Variants in ERP44 observed in about 807,000 individuals in gnomAD.
ERP44 encodes endoplasmic reticulum protein 44, also known as endoplasmic reticulum resident protein 44.
In ERP44, 25 loss-of-function variants were observed where a neutral mutation model predicts 53.4. The observed-to-expected ratio is 0.47, with a 90% confidence interval of 0.34 to 0.65. ERP44 has a LOEUF of 0.65. ERP44 is among the 30% of genes least tolerant of loss of function. The pLI, the probability that ERP44 is intolerant of heterozygous loss-of-function variation, is 0.01. For synonymous variants in ERP44, 145 were observed against 161.2 expected (o/e 0.90, Z 0.76); for missense variants, 338 against 493.2 (o/e 0.69, Z 2.98).
intron 4 of ERP44, among the ~76,000 whole-genome samples, chr9:100,042,875 G>A (rs1275514618): frequency 6.6e-6 from 1 of 152,122 alleles, no homozygotes; most frequent in South Asian, 2.1e-4. Flanking sequence ...TGAACTCATG[G>A]AGATAGAGCA....
chr9:99,991,844 G>A (rs1000257849), intron 10 of ERP44, among the ~76,000 whole-genome samples: 6 of 152,078 alleles, frequency 3.9e-5, no homozygotes, highest in Non-Finnish European at 7.4e-5. Context: ...TATCACCACC[G>A]ATCCCACAGA....
intron 4 of ERP44, among the ~76,000 whole-genome samples, chr9:100,023,339 A>G (rs1032315779): frequency 2.6e-5 from 4 of 151,746 alleles, no homozygotes; most frequent in Non-Finnish European, 5.9e-5. Flanking sequence ...CCTGTAATAA[A>G]GCACAAGCCA....
At chr9:100,042,765 A>G (rs1825919836) in intron 4 of ERP44, among the ~76,000 whole-genome samples, 1 of 152,196 alleles carries the variant, frequency 6.6e-6, no homozygotes. Flanking sequence ...TTGCAACAAC[A>G]TGGATGGAAC....
chr9:100,075,722 T>C (rs899007331), intron 1 of ERP44, among the ~76,000 whole-genome samples: 1 of 152,236 alleles, frequency 6.6e-6, no homozygotes, highest in Non-Finnish European at 1.5e-5. Flanking sequence ...TTGCTGCATT[T>C]GGCCCCTCCT....
chr9:100,057,156 C>A (rs1416810462), intron 3 of ERP44, among the ~76,000 whole-genome samples: 4 of 152,146 alleles, frequency 2.6e-5, no homozygotes, highest in Admixed American at 2.6e-4. Flanking sequence ...TACAGAGTGT[C>A]TAGGGATAAA....
intron 4 of ERP44, among the ~76,000 whole-genome samples, chr9:100,048,356 CA>C (rs1281342950): frequency 6.6e-6 from 1 of 151,850 alleles, no homozygotes; most frequent in Non-Finnish European, 1.5e-5. Flanking sequence ...AAAACAACAA[CA>C]AAGAGAAAAT....
chr9:100,027,082 C>G (rs1450428847), intron 4 of ERP44, among the ~76,000 whole-genome samples: 1 of 152,120 alleles, frequency 6.6e-6, no homozygotes, highest in East Asian at 1.9e-4. Context: ...AAGCACTAAG[C>G]TGATGGAGTT....
chr9:100,010,389 G>A (rs529247375), intron 8 of ERP44, among the ~76,000 whole-genome samples: 4 of 152,260 alleles, frequency 2.6e-5, no homozygotes, highest in African/African-American at 9.6e-5. Flanking sequence ...CAACAACCAC[G>A]GGGAAGGGAG....
At chr9:100,040,652 G>A (rs148922180) in intron 4 of ERP44, among the ~76,000 whole-genome samples, 93 of 152,228 alleles carry the variant, frequency 6.1e-4, no homozygotes, top group South Asian at 4.2e-4. Context: ...ACTGGAAGTC[G>A]TAGCTAGAGC....
At chr9:100,091,155 T>A (rs142643879) in intron 1 of ERP44, among the ~76,000 whole-genome samples, 38 of 152,334 alleles carry the variant, frequency 2.5e-4, no homozygotes, top group South Asian at 2.5e-3. Flanking sequence ...CAAATTCAGG[T>A]GACTTAAAAT....
Position 99,979,809 on chromosome 9 carries a change from A to G in ERP44, c.*2803T>C. 3.1e-6 allele frequency: 1 copy of G among 324,476 alleles called. No individual in the cohort carries two copies. Among genetic ancestry groups the G allele is most frequent in the Non-Finnish European group, 5.7e-6 (1 of 174,412 alleles). 20.1% of individuals were successfully genotyped at this position (324,476 alleles called of 1,614,324 possible). A position where few individuals can be genotyped will look rare whatever the true frequency, so the allele number is the denominator to read the frequency against. On this transcript the variant is annotated 3_prime_UTR_variant, in exon 12 of 12. Coordinates refer to ENST00000262455, the MANE Select transcript of ERP44 (RefSeq NM_015051.3). ...GTCTGATTCACGGTTCAGAGGGGGA[A>G]CAAGTCTAAATTTGAGACGTGCTTC...
intron 10 of ERP44, among the ~76,000 whole-genome samples, chr9:99,992,111 C>T (rs1830262791): frequency 6.6e-6 from 1 of 152,172 alleles, no homozygotes. Flanking sequence ...GGTACCATTC[C>T]TTCTGAAACT....
intron 10 of ERP44, chr9:99,999,015 C>T (rs1830346359): frequency 8.1e-6 from 8 of 987,058 alleles, no homozygotes; most frequent in South Asian, 8.0e-5. Flanking sequence ...CGTGCGTGGG[C>T]AGCGGGCGCA....
chr9:100,031,367 C>G lies in ERP44; in HGVS notation c.287-9141G>C, dbSNP rs1825785955. Reference sequence around the variant, plus strand: ...TTAAGCCATTAAAAGCCTTTGCAAGCTCAAAACTGACTGCTCTAGCCTCCT... The same window carrying G: ...TTAAGCCATTAAAAGCCTTTGCAAGGTCAAAACTGACTGCTCTAGCCTCCT... On this transcript the variant is annotated intron_variant, in intron 4 of 11. Transcript: ENST00000262455. Among the ~76,000 whole-genome samples, 4 of 152,202 alleles carry G rather than the reference C, an allele frequency of 2.6e-5. No homozygotes were observed. The South Asian group carries it at 8.3e-4, about 32-fold the overall frequency.
In ERP44 at chr9:100,060,040, A is replaced by G. The variant is rs951684063; in HGVS notation, c.130+60T>C. Reference sequence around the variant, plus strand: ...ATTTTATTGGGTTTTTTTTTTGTATATATAAACTAACTCTCTATAGAGAAG... The same window carrying G: ...ATTTTATTGGGTTTTTTTTTTGTATGTATAAACTAACTCTCTATAGAGAAG... On this transcript the variant is annotated intron_variant, in intron 2 of 11. Transcript: ENST00000262455. 8.7e-6 allele frequency: 11 copies of G among 1,267,798 alleles called. No homozygotes were observed. The East Asian group carries it at 3.5e-4, about 41-fold the overall frequency. 78.5% of individuals were successfully genotyped at this position (1,267,798 alleles called of 1,614,324 possible).
rs1826211526 is a variant in ERP44 at position 100,066,576 on chromosome 9, C to T, written c.58-6404G>A. Among the ~76,000 whole-genome samples the T allele has an allele frequency of 2.0e-5, 3 of 152,276 alleles. No homozygotes were observed. In the South Asian group the frequency reaches 6.2e-4, roughly 32 times the overall value. On this transcript the variant is annotated intron_variant, in intron 1 of 11. Transcript: ENST00000262455. ...CCCTTTCTTTACAAACTATGTCTCTCCTATAGCAAAAAACAAGCAATGTAC... is the reference window on the plus strand; with the variant it reads ...CCCTTTCTTTACAAACTATGTCTCTTCTATAGCAAAAAACAAGCAATGTAC...
chr9:100,004,480 G>C (rs533733818), intron 10 of ERP44, among the ~76,000 whole-genome samples: 1 of 152,324 alleles, frequency 6.6e-6, no homozygotes, highest in South Asian at 2.1e-4. Context: ...ACCAGGATGG[G>C]ACTAAATGCT....
intron 3 of ERP44, among the ~76,000 whole-genome samples, chr9:100,054,398 G>A (rs143793645): frequency 3.3e-5 from 5 of 152,258 alleles, no homozygotes; most frequent in African/African-American, 1.2e-4. Context: ...TGAAGAAAGA[G>A]CGGGCAAGCC....
chr9:100,098,246 C>T (rs1039724649), intron 1 of ERP44, among the ~76,000 whole-genome samples: 3 of 152,176 alleles, frequency 2.0e-5, no homozygotes, highest in Non-Finnish European at 4.4e-5. Flanking sequence ...ACCTTCCACC[C>T]TTCAAACTCT....
Sources: gnomAD v4.1 joint callset for allele counts (sites outside exome capture counted in the v4.1 genomes callset) on GRCh38, gnomAD v4.1.1 for gene constraint, MANE v1.5 for transcripts, NCBI Gene and HGNC (gene_info 2026-07-23, HGNC 2026-07-21) for gene names.